Variants in OSBPL9 observed in about 807,000 individuals in gnomAD.
OSBPL9 encodes oxysterol binding protein like 9.
In OSBPL9, 40 loss-of-function variants were observed where a neutral mutation model predicts 106.6. The observed-to-expected ratio is 0.38, with a 90% confidence interval of 0.29 to 0.49. The LOEUF is 0.49. Among genes scored for constraint, OSBPL9 ranks in the 20% least tolerant of loss-of-function variants. The pLI, the probability that OSBPL9 is intolerant of heterozygous loss-of-function variation, is 0.97. For synonymous variants in OSBPL9, 269 were observed against 295.4 expected, an observed-to-expected ratio of 0.91 and a Z score of 0.92; for missense variants, 609 against 887.2, an observed-to-expected ratio of 0.69 and a Z score of 3.98.
intron 3 of OSBPL9, among the ~76,000 whole-genome samples, chr1:51,701,299 T>A (rs748275114): frequency 1.3e-5 from 2 of 152,220 alleles, no homozygotes; most frequent in African/African-American, 2.4e-5. Context: ...ACTTATTCAA[T>A]TATTTTATAT....
chr1:51,587,358 C>G (rs1645252129), intron 1 of OSBPL9, among the ~76,000 whole-genome samples: 1 of 152,122 alleles, frequency 6.6e-6, no homozygotes, highest in African/African-American at 2.4e-5. Flanking sequence ...GAGCCAGACT[C>G]CGTCTCAAAA....
In OSBPL9 at chr1:51,787,336, T is replaced by A; in HGVS notation, c.2001-17T>A. The A allele has an allele frequency of 6.2e-7, 1 of 1,612,254 alleles. No homozygotes were observed. Among genetic ancestry groups the A allele is most frequent in the African/African-American group, 1.3e-5 (1 of 74,974 alleles). On this transcript the variant is annotated splice_polypyrimidine_tract_variant and intron_variant, in intron 22 of 23. Coordinates refer to ENST00000428468, the MANE Select transcript of OSBPL9 (RefSeq NM_024586.6). ...TCATTCTCAACATTGGCAGCTCCTC[T>A]TACCTCTTTGTTTTAGCCTTTGGAA...
intron 2 of OSBPL9, among the ~76,000 whole-genome samples, chr1:51,662,275 T>G (rs946484338): frequency 6.6e-6 from 1 of 151,804 alleles, no homozygotes; most frequent in Admixed American, 6.6e-5. Context: ...AAGACTTGAG[T>G]CTTGAGTATG....
chr1:51,784,581 T>C lies in OSBPL9; in HGVS notation c.1828T>C (p.Phe610Leu). 1 of 1,613,882 alleles carries C rather than the reference T, an allele frequency of 6.2e-7. No individual in the cohort carries two copies. Among genetic ancestry groups the C allele is most frequent in the South Asian group, 1.1e-5 (1 of 91,028 alleles). ...GAAGCACAGAATTACTGCCGAGATT[T>C]TGTAGGTATTTTTTCTGCCTTAGAG... is the stretch of plus-strand genomic sequence containing the variant. ...GKKHRITAEI[F>L]SPNDKKSFCS... The change falls in exon 20 of 24, where the codon TTT (phenylalanine) becomes CTT (leucine). Residue 610 changes from phenylalanine to leucine, a missense_variant and splice_region_variant. Coordinates refer to ENST00000428468, the MANE Select transcript of OSBPL9 (RefSeq NM_024586.6).
At chr1:51,605,091 C>G (rs1247891434) in intron 2 of OSBPL9, among the ~76,000 whole-genome samples, 1 of 152,194 alleles carries the variant, frequency 6.6e-6, no homozygotes, top group Admixed American at 6.5e-5. Flanking sequence ...ATTTTACTAT[C>G]TGACATTTTA....
rs1678390137 is a variant in OSBPL9 at position 51,789,016 on chromosome 1, T to C, written c.*1227T>C. ...TCTCAAAGTGCTGCTGCAGGCTTTC[T>C]GGTCTCGCTTGGCCCATTCTGCTAA... On this transcript the variant is annotated 3_prime_UTR_variant, in exon 24 of 24. Coordinates refer to ENST00000428468, the MANE Select transcript of OSBPL9 (RefSeq NM_024586.6). Among the ~76,000 whole-genome samples the C allele has an allele frequency of 6.6e-6, 1 of 152,210 alleles. No homozygotes were observed. The highest frequency in any genetic ancestry group is 2.1e-4 in the South Asian group (1 of 4,830).
At chr1:51,653,196 G>GC (rs1553158341) in intron 2 of OSBPL9, among the ~76,000 whole-genome samples, 2 of 145,454 alleles carry the variant, frequency 1.4e-5, no homozygotes, top group East Asian at 4.0e-4. Flanking sequence ...TCTAGTTTTT[G>GC]TTTTTTTTTT....
At chr1:51,636,415 G>T (rs1356263074) in intron 1 of OSBPL9, among the ~76,000 whole-genome samples, 1 of 150,446 alleles carries the variant, frequency 6.6e-6, no homozygotes, top group Admixed American at 6.7e-5. Flanking sequence ...TCAGCTCACT[G>T]CATCCTCTGA....
chr1:51,560,960 T>G, the OSBPL9 span: 1 of 152,226 alleles, frequency 6.6e-6, no homozygotes, highest in Non-Finnish European at 1.5e-5. Context: ...CAGAAAGACC[T>G]GCACTCAGCC....
At chr1:51,654,833 G>T (rs147010851) in intron 2 of OSBPL9, among the ~76,000 whole-genome samples, 1 of 152,220 alleles carries the variant, frequency 6.6e-6, no homozygotes, top group African/African-American at 2.4e-5. Context: ...GACAAAAAGG[G>T]TATGATTCCA....
intron 1 of OSBPL9, among the ~76,000 whole-genome samples, chr1:51,631,455 C>T (rs554638235): frequency 2.0e-5 from 3 of 152,056 alleles, no homozygotes; most frequent in African/African-American, 7.2e-5. Flanking sequence ...GCAGGAAGAT[C>T]GCTTGAGCCC....
At chr1:51,646,576 C>T (rs1646167833) in intron 1 of OSBPL9, among the ~76,000 whole-genome samples, 1 of 152,122 alleles carries the variant, frequency 6.6e-6, no homozygotes, top group South Asian at 2.1e-4. Context: ...CGGAGTTTTG[C>T]TCCATTGCCC....
At chr1:51,713,542 C>G (rs2148892670) in intron 3 of OSBPL9, among the ~76,000 whole-genome samples, 1 of 152,320 alleles carries the variant, frequency 6.6e-6, no homozygotes, top group Middle Eastern at 3.4e-3. Context: ...CCGCCACACA[C>G]TGACAAGCTT....
intron 1 of OSBPL9, among the ~76,000 whole-genome samples, chr1:51,647,737 A>T (rs975084740): frequency 6.6e-6 from 1 of 150,940 alleles, no homozygotes; most frequent in Admixed American, 6.6e-5. Context: ...TTTTTCTTTC[A>T]TTCCTGATTT....
At chr1:51,528,532 A>C in the OSBPL9 span, among the ~76,000 whole-genome samples, 2 of 151,714 alleles carry the variant, frequency 1.3e-5, no homozygotes, top group Non-Finnish European at 2.9e-5. Flanking sequence ...TGACAGAGTG[A>C]GACTCTGTCT....
At chr1:51,643,299 T>C (rs764192205) in intron 1 of OSBPL9, among the ~76,000 whole-genome samples, 48 of 151,968 alleles carry the variant, frequency 3.2e-4, no homozygotes, top group Admixed American at 2.0e-3. Context: ...CACAGTATTA[T>C]GGGAAAAAAA....
chr1:51,530,182 A>AAAAAAAAAAACAAAAAC, the OSBPL9 span, among the ~76,000 whole-genome samples: 1 of 116,782 alleles, frequency 8.6e-6, no homozygotes, highest in Non-Finnish European at 1.7e-5. Context: ...AAAAAAAAAA[A>AAAAAAAAAAACAAAAAC]AAAAAAAAAA....
intron 1 of OSBPL9, among the ~76,000 whole-genome samples, chr1:51,643,048 T>C (rs527850993): frequency 1.3e-5 from 2 of 152,318 alleles, no homozygotes; most frequent in East Asian, 3.9e-4. Context: ...TAGTGTCTTC[T>C]TGCTGCTTCA....
intron 11 of OSBPL9, among the ~76,000 whole-genome samples, chr1:51,765,098 T>C (rs537218602): frequency 6.6e-6 from 1 of 152,246 alleles, no homozygotes; most frequent in Non-Finnish European, 1.5e-5. Flanking sequence ...CTTGCTTTAC[T>C]AGTAGATAAG....
Sources: gnomAD v4.1 joint callset for allele counts (sites outside exome capture counted in the v4.1 genomes callset) on GRCh38, gnomAD v4.1.1 for gene constraint, MANE v1.5 for transcripts, NCBI Gene and HGNC (gene_info 2026-07-23, HGNC 2026-07-21) for gene names.